Variants in NTN4 observed in about 807,000 individuals in gnomAD.
The protein encoded by NTN4 is netrin 4.
In NTN4, 32 loss-of-function variants were observed where a neutral mutation model predicts 73.6. The ratio of observed to expected loss-of-function variants is 0.44; its 90% CI spans 0.33 to 0.58. The LOEUF (loss-of-function observed/expected upper bound fraction) is 0.58. Among genes scored for constraint, NTN4 ranks in the 20% least tolerant of loss-of-function variants. The probability of loss-of-function intolerance (pLI) is 0.04; values close to 1 mark genes in which losing one functional copy is unlikely to be tolerated. For missense variants in NTN4, 654 were observed against 798.3 expected (o/e 0.82, Z 2.18); for synonymous variants, 258 against 287.5 (o/e 0.90, Z 1.04).
chr12:95,745,924 A>G (rs1274063730), intron 2 of NTN4, among the ~76,000 whole-genome samples: 2 of 152,206 alleles, frequency 1.3e-5, no homozygotes, highest in Non-Finnish European at 1.5e-5. Flanking sequence ...ATGAATTACA[A>G]GGTTTTCCAC....
intron 2 of NTN4, among the ~76,000 whole-genome samples, chr12:95,778,385 A>G: frequency 6.6e-6 from 1 of 152,108 alleles, no homozygotes; most frequent in Admixed American, 6.5e-5. Flanking sequence ...TGGTTTTTTG[A>G]AAAGATCAAC....
intron 3 of NTN4, among the ~76,000 whole-genome samples, chr12:95,719,010 T>C (rs1221730196): frequency 6.6e-6 from 1 of 152,188 alleles, no homozygotes; most frequent in Non-Finnish European, 1.5e-5. Context: ...AGGACTTACA[T>C]TAACTAAATT....
chr12:95,700,814 C>CTTTT (rs71911993), intron 5 of NTN4, among the ~76,000 whole-genome samples: 35 of 107,532 alleles, frequency 3.3e-4, no homozygotes, highest in African/African-American at 5.3e-4. Flanking sequence ...TTCTTTCTTT[C>CTTTT]TTTTTTTTTT....
chr12:95,693,356 G>A (rs1482019085), intron 5 of NTN4, among the ~76,000 whole-genome samples: 1 of 151,908 alleles, frequency 6.6e-6, no homozygotes, highest in Admixed American at 6.6e-5. Context: ...TATCAGAGAG[G>A]AACACTGCTT....
rs779206010 is a variant in NTN4 at position 95,710,555 on chromosome 12, C to T, written c.1066G>A (p.Gly356Ser). Residue 356 changes from glycine (G) to serine (S), a missense_variant, in exon 5 of 10, where the codon GGT becomes AGT. By Grantham distance (56) the Gly-to-Ser change is moderately conservative. Coordinates refer to ENST00000343702, the MANE Select transcript of NTN4 (RefSeq NM_021229.4). ...TGCTGACAGTCATCACAGACACCAC[C>T]ACTACGATTCCCTGATGCCTCCCAC... ...NVWEASGNRS[G>S]GVCDDCQHNT... 1.2e-6 allele frequency: 2 copies of T among 1,614,044 alleles called. No individual in the cohort carries two copies. Among genetic ancestry groups the T allele is most frequent in the Non-Finnish European group, 1.7e-6 (2 of 1,180,012 alleles).
chr12:95,762,059 G>A (rs2078992832), intron 2 of NTN4, among the ~76,000 whole-genome samples: 1 of 152,098 alleles, frequency 6.6e-6, no homozygotes, highest in Admixed American at 6.5e-5. Flanking sequence ...GGGTGCCACA[G>A]AAAACCACCA....
At chr12:95,684,828 G>A (rs7961560) in intron 5 of NTN4, among the ~76,000 whole-genome samples, 10 of 152,130 alleles carry the variant, frequency 6.6e-5, no homozygotes, top group African/African-American at 2.2e-4. Flanking sequence ...TCACAAATTC[G>A]TGAGCCCTAA....
intron 3 of NTN4, among the ~76,000 whole-genome samples, chr12:95,715,013 C>T (rs1201648457): frequency 6.6e-6 from 1 of 152,144 alleles, no homozygotes; most frequent in African/African-American, 2.4e-5. Flanking sequence ...TGTGTCATCT[C>T]ATCCAGGACT....
chr12:95,769,550 CA>C (rs60702860), intron 2 of NTN4, among the ~76,000 whole-genome samples: 48 of 130,384 alleles, frequency 3.7e-4, no homozygotes, highest in South Asian at 4.7e-4. Context: ...ATTTATAGAC[CA>C]AAAAAAAAAA....
intron 3 of NTN4, among the ~76,000 whole-genome samples, chr12:95,729,683 C>T (rs1169066329): frequency 2.1e-5 from 3 of 142,278 alleles, no homozygotes; most frequent in Non-Finnish European, 4.6e-5. Context: ...GTATTTTAAC[C>T]TTACGTGTCT....
At chr12:95,764,878 T>A (rs2079010597) in intron 2 of NTN4, among the ~76,000 whole-genome samples, 2 of 152,130 alleles carry the variant, frequency 1.3e-5, no homozygotes, top group Non-Finnish European at 1.5e-5. Context: ...TTAAGAGAGA[T>A]TTTTTTAAAG....
At chr12:95,780,898 C>A (rs542944182) in intron 2 of NTN4, among the ~76,000 whole-genome samples, 2 of 152,234 alleles carry the variant, frequency 1.3e-5, no homozygotes, top group East Asian at 3.9e-4. Flanking sequence ...TGGAACCAAC[C>A]CAAATGTCCA....
At chr12:95,672,560 C>A in intron 7 of NTN4, 2 of 1,523,102 alleles carry the variant, frequency 1.3e-6, no homozygotes, top group Non-Finnish European at 1.8e-6. Context: ...GAGGACTTGG[C>A]GCCTCAATGA....
At chr12:95,669,220 A>C (rs1428300084) in intron 8 of NTN4, among the ~76,000 whole-genome samples, 1 of 152,166 alleles carries the variant, frequency 6.6e-6, no homozygotes, top group East Asian at 1.9e-4. Context: ...AAAAAAAAAA[A>C]AAGTCTCAGA....
At chr12:95,724,596 G>A (rs2078677157) in intron 3 of NTN4, among the ~76,000 whole-genome samples, 1 of 152,108 alleles carries the variant, frequency 6.6e-6, no homozygotes, top group Non-Finnish European at 1.5e-5. Flanking sequence ...CTTTATAACA[G>A]CTATAGTTTG....
At chr12:95,775,480 C>G (rs2079085066) in intron 2 of NTN4, among the ~76,000 whole-genome samples, 1 of 152,234 alleles carries the variant, frequency 6.6e-6, no homozygotes, top group Non-Finnish European at 1.5e-5. Context: ...GTCACTCCCA[C>G]CCTAATATTG....
At chr12:95,757,930 A>G (rs1300088250) in intron 2 of NTN4, among the ~76,000 whole-genome samples, 1 of 152,232 alleles carries the variant, frequency 6.6e-6, no homozygotes, top group East Asian at 1.9e-4. Context: ...AGCATGAGAC[A>G]AGTAAATGGA....
intron 3 of NTN4, among the ~76,000 whole-genome samples, chr12:95,719,698 A>G (rs572692012): frequency 6.2e-4 from 95 of 152,326 alleles, no homozygotes; most frequent in Admixed American, 1.2e-3. Context: ...TTTTTTCATT[A>G]ACGAATAAAA....
rs1275482536 is a variant in NTN4 at position 95,672,311 on chromosome 12, G to A, written c.1511-2165C>T. On this transcript the variant is annotated intron_variant, in intron 7 of 9. Coordinates refer to ENST00000343702, the MANE Select transcript of NTN4 (RefSeq NM_021229.4). ...GCCTCCCAAGCCCGCCGCCATGGCC[G>A]CCTACAAACTGGTGCTGATCCAGCA... 1.9e-5 allele frequency: 15 copies of A among 778,440 alleles called. No homozygotes were observed. The Middle Eastern group carries it at 2.8e-3, about 146-fold the overall frequency. The allele number at this position is 778,440 out of a possible 1,614,324, so 48.2% of individuals were successfully genotyped here.
Sources: allele counts gnomAD v4.1 joint callset (sites outside exome capture counted in the v4.1 genomes callset), GRCh38; gene constraint gnomAD v4.1.1; transcripts MANE v1.5; gene names NCBI Gene and HGNC (gene_info 2026-07-23, HGNC 2026-07-21).